The following SLC2A9 variants were observed in gnomAD, a reference collection of about 807,000 sequenced individuals.
SLC2A9 encodes solute carrier family 2 member 9, also known as solute carrier family 2, facilitated glucose transporter member 9.
Under a neutral mutation model 50.6 loss-of-function variants are expected in SLC2A9, and 39 were observed. That is an observed-to-expected ratio of 0.77 (90% CI 0.60 to 1.01). The LOEUF (loss-of-function observed/expected upper bound fraction) is 1.01, where lower values mean the gene tolerates loss of function less well. Among genes scored for constraint, SLC2A9 ranks in the 50% least tolerant of loss-of-function variants. SLC2A9 has a pLI of 0.00. For missense variants in SLC2A9, 686 were observed against 677.6 expected (o/e 1.01, Z -0.14); for synonymous variants, 324 against 276.9 (o/e 1.17, Z -1.69).
At chr4:9,852,541 C>G (rs368151121) in intron 10 of SLC2A9, among the ~76,000 whole-genome samples, 1 of 152,146 alleles carries the variant, frequency 6.6e-6, no homozygotes, top group East Asian at 1.9e-4. Context: ...CATGAGCCAC[C>G]GCGCCCGGCC....
intron 7 of SLC2A9, among the ~76,000 whole-genome samples, chr4:9,909,016 C>T (rs1741215704): frequency 6.6e-6 from 1 of 152,154 alleles, no homozygotes; most frequent in Admixed American, 6.5e-5. Flanking sequence ...TCCATCGTAA[C>T]TTTATGAGAA....
rs759278863 is a variant in SLC2A9 at position 9,783,388 on chromosome 4, T to C, written n.386-3323A>G. ...CAGATGGTGACCCTGTTGCTGAGTC[T>C]GTCTGGGAGCTGGACTGCGAGGGGG... On this transcript the variant is annotated intron_variant and non_coding_transcript_variant, in intron 3 of 3. Coordinates refer to the SLC2A9 transcript ENST00000503803. 40 of 1,614,104 alleles carry C rather than the reference T, an allele frequency of 2.5e-5. No individual in the cohort carries two copies. In the Middle Eastern group the frequency reaches 4.9e-4, roughly 20 times the overall value.
chr4:9,822,999 C>G (rs960693327), downstream of SLC2A9, among the ~76,000 whole-genome samples: 1 of 152,124 alleles, frequency 6.6e-6, no homozygotes, highest in African/African-American at 2.4e-5. Flanking sequence ...GTTTTGGTTT[C>G]TCTCTTCAAT....
intron 2 of SLC2A9, among the ~76,000 whole-genome samples, chr4:10,015,502 T>G (rs1762471317): frequency 6.6e-6 from 1 of 152,208 alleles, no homozygotes; most frequent in African/African-American, 2.4e-5. Context: ...TCCAAAAATG[T>G]TGCATGACAT....
At chr4:9,839,873 G>C (rs533185297) in intron 10 of SLC2A9, among the ~76,000 whole-genome samples, 1 of 152,018 alleles carries the variant, frequency 6.6e-6, no homozygotes, top group Non-Finnish European at 1.5e-5. Flanking sequence ...ATAACAAATA[G>C]GTACTAGGCT....
chr4:9,940,440 G>A (rs1747913304), intron 6 of SLC2A9, among the ~76,000 whole-genome samples: 2 of 152,198 alleles, frequency 1.3e-5, no homozygotes, highest in South Asian at 4.1e-4. Context: ...TTAAGATTGG[G>A]GGTGGGAGTT....
chr4:9,924,563 G>T (rs1397279006), intron 6 of SLC2A9, among the ~76,000 whole-genome samples: 1 of 152,068 alleles, frequency 6.6e-6, no homozygotes, highest in Non-Finnish European at 1.5e-5. Flanking sequence ...CCCAGCTGGG[G>T]AAGTGATGCT....
At chr4:9,879,324 T>G (rs1226177200) in intron 10 of SLC2A9, 1 of 984,934 alleles carries the variant, frequency 1.0e-6, no homozygotes, top group Admixed American at 6.2e-5. Context: ...AGAGGGGAAA[T>G]AGCACATGCA....
intron 6 of SLC2A9, among the ~76,000 whole-genome samples, chr4:9,926,023 C>T (rs1047735827): frequency 2.6e-5 from 4 of 152,086 alleles, no homozygotes; most frequent in African/African-American, 9.7e-5. Flanking sequence ...GAGATGGAGC[C>T]CGCCAGCCTC....
intron 11 of SLC2A9, among the ~76,000 whole-genome samples, chr4:9,828,018 A>G (rs1179419075): frequency 6.6e-6 from 1 of 152,002 alleles, no homozygotes; most frequent in Admixed American, 6.6e-5. Flanking sequence ...CATCCTCCAC[A>G]CCCCCATCTG....
At chr4:9,908,405 C>G in intron 7 of SLC2A9, 60 bp from the exon 8 acceptor site, 1 of 1,274,296 alleles carries the variant, frequency 7.8e-7, no homozygotes, top group Non-Finnish European at 1.1e-6. Flanking sequence ...AATCTATTTT[C>G]TAAATCAAAT....
At chr4:9,889,300 G>A (rs1239241493) in intron 9 of SLC2A9, among the ~76,000 whole-genome samples, 1 of 152,202 alleles carries the variant, frequency 6.6e-6, no homozygotes, top group African/African-American at 2.4e-5. Flanking sequence ...GGGGCAGGGT[G>A]TGGGGCACTG....
At chr4:9,790,622 G>A (rs1019315183) in intron 3 of SLC2A9, among the ~76,000 whole-genome samples, 2 of 152,184 alleles carry the variant, frequency 1.3e-5, no homozygotes, top group African/African-American at 4.8e-5. Context: ...ATGTGTGAAT[G>A]TTCTAAGTAC....
intron 4 of SLC2A9, 25 bp downstream of exon 4, chr4:9,985,644 C>G (rs764611807): frequency 1.2e-6 from 2 of 1,613,860 alleles, no homozygotes; most frequent in Non-Finnish European, 1.7e-6. Context: ...GTTACTGTTC[C>G]CTCCCCGTCA....
Position 9,862,029 on chromosome 4 carries a change from T to C in SLC2A9, c.1291+25538A>G, listed in dbSNP as rs1189654202. The stretch of plus-strand genomic sequence containing the variant: ...TTTCCTTTGCTAATATGGAACATCA[T>C]AATATTCCACCCCAAAACACGAAGA... On this transcript the variant is annotated intron_variant, in intron 10 of 11. Coordinates refer to ENST00000264784, the MANE Select transcript of SLC2A9 (RefSeq NM_020041.3). 2.6e-5 allele frequency among the ~76,000 whole-genome samples: 4 copies of C among 152,312 alleles called. No individual in the cohort carries two copies. The East Asian group carries it at 5.8e-4, about 22-fold the overall frequency.
chr4:10,017,117 T>TA (rs1166015905), intron 2 of SLC2A9, among the ~76,000 whole-genome samples: 1 of 152,228 alleles, frequency 6.6e-6, no homozygotes, highest in Non-Finnish European at 1.5e-5. Context: ...CTCCAGGCTG[T>TA]CTTCCCTGAT....
intron 5 of SLC2A9, among the ~76,000 whole-genome samples, chr4:9,958,643 T>C (rs1357047067): frequency 6.6e-6 from 1 of 152,096 alleles, no homozygotes; most frequent in Admixed American, 6.5e-5. Context: ...AGTACAATAA[T>C]AATTTAAAAA....
chr4:9,771,345 G>A (rs577844731), exon 2 of SLC2A9: 1 of 393,872 alleles, frequency 2.5e-6, no homozygotes, highest in East Asian at 3.6e-5. Context: ...CATTTCTGCA[G>A]GTCTGCCTTC....
chr4:10,036,093 C>G (rs561358939), intron 1 of SLC2A9: 19 of 187,494 alleles, frequency 1.0e-4, no homozygotes, highest in African/African-American at 3.1e-4. Flanking sequence ...CATAATAAAT[C>G]CCATCCATCC....
Sources: allele counts gnomAD v4.1 joint callset (sites outside exome capture counted in the v4.1 genomes callset), GRCh38; gene constraint gnomAD v4.1.1; transcripts MANE v1.5; gene names NCBI Gene and HGNC (gene_info 2026-07-23, HGNC 2026-07-21).